NTN4: variants seen among roughly 807,000 people sequenced by gnomAD.
The protein encoded by NTN4 is netrin-4.
A neutral mutation model predicts 73.6 loss-of-function variants in NTN4; 32 were observed. The observed-to-expected ratio is 0.44, with a 90% CI of 0.33 to 0.58. The LOEUF (loss-of-function observed/expected upper bound fraction) is 0.58. Ranked by LOEUF, NTN4 falls within the 20% of genes least tolerant of loss-of-function variation. NTN4 has a pLI of 0.04. For synonymous variants in NTN4, 258 were observed against 287.5 expected (o/e 0.90, Z 1.04); for missense variants, 654 against 798.3 (o/e 0.82, Z 2.18).
At chr12:95,730,800 G>A (rs2078731718) in intron 3 of NTN4, among the ~76,000 whole-genome samples, 1 of 152,130 alleles carries the variant, frequency 6.6e-6, no homozygotes, top group African/African-American at 2.4e-5. Flanking sequence ...CACACTAATT[G>A]TATCAAATTG....
intron 5 of NTN4, among the ~76,000 whole-genome samples, chr12:95,692,666 G>A (rs1265813205): frequency 6.6e-6 from 1 of 152,128 alleles, no homozygotes; most frequent in East Asian, 1.9e-4. Flanking sequence ...TGTGCATAAG[G>A]CTCTAAAACT....
intron 5 of NTN4, among the ~76,000 whole-genome samples, chr12:95,689,683 C>T (rs938251369): frequency 1.3e-5 from 2 of 152,196 alleles, no homozygotes; most frequent in Admixed American, 6.5e-5. Flanking sequence ...GCCACCCCTT[C>T]CCACCTCACC....
intron 6 of NTN4, 99 bp from the exon 7 acceptor site, chr12:95,682,921 C>T: frequency 1.6e-6 from 1 of 635,636 alleles, no homozygotes; most frequent in Non-Finnish European, 2.7e-6. Flanking sequence ...TCTGCCTTCC[C>T]ATTCTTCCTT....
Position 95,789,820 on chromosome 12 carries a change from A to T in NTN4, c.55+435T>A, listed in dbSNP as rs1050450803. On this transcript the variant is annotated intron_variant, in intron 1 of 9. Coordinates refer to ENST00000343702, the MANE Select transcript of NTN4 (RefSeq NM_021229.4). The surrounding 1 kb of genome is among the most constrained non-coding windows in gnomAD (Gnocchi z 4.0). ...TAGTACCCAGCACCAGGTCAGGGAC[A>T]CCAGCGATGGGCTTCTACCAGAGAC... The T allele has an allele frequency of 6.1e-6, 1 of 162,628 alleles. No homozygotes were observed. Among genetic ancestry groups the T allele is most frequent in the East Asian group, 1.8e-4 (1 of 5,630 alleles). 10.1% of individuals were successfully genotyped at this position (162,628 alleles called of 1,614,324 possible). A position where few individuals can be genotyped will look rare whatever the true frequency, so the allele number is the denominator to read the frequency against.
chr12:95,747,240 A>ATTATAATTCTGTTTAGT (rs2078869205), intron 2 of NTN4, among the ~76,000 whole-genome samples: 1 of 152,228 alleles, frequency 6.6e-6, no homozygotes, highest in South Asian at 2.1e-4. Flanking sequence ...TGTTTTAGTA[A>ATTATAATTCTGTTTAGT]TTTGTGTCTG....
At chr12:95,737,774 A>T in intron 3 of NTN4, 92 bp downstream of exon 3, 3 of 1,269,288 alleles carry the variant, frequency 2.4e-6, no homozygotes, top group Non-Finnish European at 3.3e-6. Flanking sequence ...GGAAAAAATC[A>T]GCAGCACTAT....
chr12:95,672,211 G>T (rs992152052), intron 7 of NTN4: 8 of 577,774 alleles, frequency 1.4e-5, no homozygotes, highest in Non-Finnish European at 2.5e-5. Context: ...GTTGCGGGGG[G>T]CGGGCGGGGG....
chr12:95,727,083 A>C (rs1227660080), intron 3 of NTN4, among the ~76,000 whole-genome samples: 3 of 152,190 alleles, frequency 2.0e-5, no homozygotes, highest in Non-Finnish European at 4.4e-5. Context: ...ATCATCCCCA[A>C]GACTTGTTAT....
At chr12:95,726,928 C>T (rs2078699331) in intron 3 of NTN4, among the ~76,000 whole-genome samples, 1 of 151,990 alleles carries the variant, frequency 6.6e-6, no homozygotes, top group African/African-American at 2.4e-5. Context: ...GGAGATTGCG[C>T]CACTGCACTC....
intron 2 of NTN4, among the ~76,000 whole-genome samples, chr12:95,775,250 G>T (rs1364640658): frequency 6.6e-6 from 1 of 152,150 alleles, no homozygotes; most frequent in Admixed American, 6.5e-5. Context: ...AGCTCCCAGT[G>T]TGAGTGACAC....
At chr12:95,786,037 A>G (rs2079165054) in intron 2 of NTN4, among the ~76,000 whole-genome samples, 1 of 152,112 alleles carries the variant, frequency 6.6e-6, no homozygotes, top group Admixed American at 6.6e-5. Context: ...AAGTGTCCCA[A>G]TGTCCCCAGG....
intron 5 of NTN4, among the ~76,000 whole-genome samples, chr12:95,695,404 G>A (rs529198467): frequency 1.3e-4 from 20 of 152,056 alleles, no homozygotes; most frequent in East Asian, 7.8e-4. Flanking sequence ...TTGCTCTGTC[G>A]CCCAGGCTGG....
chr12:95,772,917 A>G (rs1345975063), intron 2 of NTN4, among the ~76,000 whole-genome samples: 1 of 151,914 alleles, frequency 6.6e-6, no homozygotes, highest in African/African-American at 2.4e-5. Flanking sequence ...ATTAACACAC[A>G]AGCCAGAGTA....
chr12:95,676,561 A>G (rs2078274887), intron 7 of NTN4, among the ~76,000 whole-genome samples: 1 of 152,346 alleles, frequency 6.6e-6, no homozygotes, highest in Admixed American at 6.5e-5. Flanking sequence ...GGCCAATAGG[A>G]TCCAGCTAAA....
intron 5 of NTN4, among the ~76,000 whole-genome samples, chr12:95,691,002 C>T (rs900920040): frequency 2.0e-5 from 3 of 152,162 alleles, no homozygotes; most frequent in South Asian, 2.1e-4. Flanking sequence ...TTTCTGTCAG[C>T]GTGACTTCTC....
chr12:95,760,951 G>A (rs962877866), intron 2 of NTN4, among the ~76,000 whole-genome samples: 1 of 152,066 alleles, frequency 6.6e-6, no homozygotes, highest in Non-Finnish European at 1.5e-5. Context: ...TCCTTAAAGG[G>A]GAGAGGATTC....
chr12:95,682,261 C>T lies in NTN4; in HGVS notation c.1510+446G>A, dbSNP rs1204439984. On this transcript the variant is annotated intron_variant, in intron 7 of 9. Transcript: ENST00000343702. ...GTAGAGATAACTCTTGCTATGTTTC[C>T]CAGGCTGGTCTTGAACTCTTAGCCT... Among the ~76,000 whole-genome samples, 3 of 151,674 alleles carry T rather than the reference C, an allele frequency of 2.0e-5. No homozygotes were observed. The South Asian group carries it at 6.3e-4, about 32-fold the overall frequency.
At chr12:95,754,368 T>A (rs1277733668) in intron 2 of NTN4, among the ~76,000 whole-genome samples, 2 of 152,028 alleles carry the variant, frequency 1.3e-5, no homozygotes, top group African/African-American at 4.8e-5. Flanking sequence ...TCGTCCATTC[T>A]CTCTCCATAC....
chr12:95,745,701 A>T (rs1163943406), intron 2 of NTN4, among the ~76,000 whole-genome samples: 9 of 151,950 alleles, frequency 5.9e-5, no homozygotes, highest in Non-Finnish European at 1.2e-4. Flanking sequence ...GCAGGTCTTG[A>T]TTAGCTGCTA....
Sources: gnomAD v4.1 joint callset for allele counts (sites outside exome capture counted in the v4.1 genomes callset) on GRCh38, gnomAD v4.1.1 for gene constraint, Gnocchi (gnomAD v3.1) non-coding constraint, MANE v1.5 for transcripts, NCBI Gene and HGNC (gene_info 2026-07-23, HGNC 2026-07-21) for gene names.